Variants in TCF20 observed in about 807,000 individuals in gnomAD.
The protein encoded by TCF20 is transcription factor 20, also known as SPRE-binding protein.
TCF20 carries 3 observed loss-of-function variants against 148.6 expected under a neutral mutation model. That is an observed-to-expected ratio of 0.02 (90% CI 0.01 to 0.05). The LOEUF (loss-of-function observed/expected upper bound fraction) is 0.05. Among genes scored for constraint, TCF20 ranks in the 10% least tolerant of loss-of-function variants. TCF20 has a pLI of 1.00. For missense variants in TCF20, 2,350 were observed against 2,429.3 expected (o/e 0.97, Z 0.69); for synonymous variants, 1,049 against 909.5 (o/e 1.15, Z -2.76).
At chr22:42,244,787 T>A (rs919501286) in intron 1 of TCF20, among the ~76,000 whole-genome samples, 1 of 152,024 alleles carries the variant, frequency 6.6e-6, no homozygotes, top group African/African-American at 2.4e-5. Flanking sequence ...CATATCAATT[T>A]AAAAAAATCT....
At position 42,211,595 on chromosome 22, in the gene TCF20, C is replaced by T. The variant is rs374100502; in HGVS notation, c.3711G>A (p.Leu1237=). 8.1e-6 allele frequency: 13 copies of T among 1,614,108 alleles called. No homozygotes were observed. The African/African-American group carries it at 1.7e-4, about 22-fold the overall frequency. ...AATGATCCTCCTGGCCTGGAAGTCT[C>T]AGCATAACACTACCAGGTTTGGATG... ...TQSSKPGSVM[L]RLPGQEDHSS... The change falls in exon 2 of 6, where the codon CTG becomes CTA. Residue 1237 remains leucine (L), a synonymous_variant. Coordinates refer to ENST00000677622, the MANE Select transcript of TCF20 (RefSeq NM_001378418.1).
chr22:42,297,917 A>G lies in TCF20; in HGVS notation c.-37+45562T>C, dbSNP rs974828073. 6.6e-6 allele frequency among the ~76,000 whole-genome samples: 1 copy of G among 152,132 alleles called. No homozygotes were observed. Among genetic ancestry groups the G allele is most frequent in the East Asian group, 1.9e-4 (1 of 5,186 alleles). On this transcript the variant is annotated intron_variant, in intron 1 of 1. Transcript: ENST00000515426. This position sits in a 1 kb window ranked among gnomAD's most constrained non-coding sequence, Gnocchi z 4.3. ...CCATGCAGAGCAGGCAAGGATGAAC[A>G]TGTGCTGGTTTCAGGGCTGGGCCTG... is the stretch of plus-strand genomic sequence containing the variant.
chr22:42,294,917 G>C (rs554007397), intron 1 of TCF20, among the ~76,000 whole-genome samples: 1 of 152,236 alleles, frequency 6.6e-6, no homozygotes, highest in Non-Finnish European at 1.5e-5. Flanking sequence ...AGGATCCAAA[G>C]GTGCTTGATG....
At chr22:42,201,095 G>A (rs1324920807) in intron 2 of TCF20, among the ~76,000 whole-genome samples, 2 of 152,110 alleles carry the variant, frequency 1.3e-5, no homozygotes, top group South Asian at 2.1e-4. Flanking sequence ...GCAACACCTC[G>A]CACCTCACTC....
rs1309643291 is a variant in TCF20 at position 42,212,822 on chromosome 22, A to G, written c.2484T>C (p.Ala828=). The G allele has an allele frequency of 3.1e-6, 5 of 1,614,012 alleles. No homozygotes were observed. The highest frequency in any genetic ancestry group is 1.3e-5 in the African/African-American group (1 of 74,894). Residue 828 remains alanine, a synonymous_variant, in exon 2 of 6, where the codon GCT becomes GCC. Transcript: ENST00000677622. The stretch of plus-strand genomic sequence containing the variant: ...TCAAATTGATCTGTTTCATTTCAGG[A>G]GCTGTGCTGCTTGATTTCCTTTCCC... The part of the protein sequence containing the change: ...GPWERKSSST[A]PEMKQINLTD...
chr22:42,311,308 T>C (rs1176940092), intron 1 of TCF20, among the ~76,000 whole-genome samples: 1 of 152,186 alleles, frequency 6.6e-6, no homozygotes, highest in African/African-American at 2.4e-5. Context: ...CCCAAGGCCT[T>C]TCCCAAGGGG....
chr22:42,298,957 C>A (rs1927283462), intron 1 of TCF20, among the ~76,000 whole-genome samples: 1 of 152,228 alleles, frequency 6.6e-6, no homozygotes, highest in Non-Finnish European at 1.5e-5. Flanking sequence ...GGGCCGGGCA[C>A]CACGGCCAGC....
intron 1 of TCF20, among the ~76,000 whole-genome samples, chr22:42,298,359 G>A (rs1385316039): frequency 1.3e-5 from 2 of 152,246 alleles, no homozygotes; most frequent in Non-Finnish European, 2.9e-5. Context: ...TGTTGTTGGG[G>A]CACCCATTGG....
rs765211185 is a variant in TCF20, at chr22:42,279,180, C to T, written c.-37+4647G>A. On this transcript the variant is annotated intron_variant, in intron 1 of 5. Coordinates refer to the TCF20 transcript ENST00000359486. The surrounding 1 kb of genome is among the most constrained non-coding windows in gnomAD (Gnocchi z 4.3). Reference sequence around the variant, plus strand: ...GGACTCCCAGCATCATCATCTGCCTCTGTGCCTTCTTGGTAGTAGGTGGGT... The same window carrying T: ...GGACTCCCAGCATCATCATCTGCCTTTGTGCCTTCTTGGTAGTAGGTGGGT... Among the ~76,000 whole-genome samples, 18 of 152,172 alleles carry T rather than the reference C, an allele frequency of 1.2e-4. No individual in the cohort carries two copies. The highest frequency in any genetic ancestry group is 2.5e-4 in the Non-Finnish European group (17 of 68,016).
intron 2 of TCF20, among the ~76,000 whole-genome samples, chr22:42,203,749 G>A (rs937703356): frequency 6.6e-6 from 1 of 152,234 alleles, no homozygotes; most frequent in African/African-American, 2.4e-5. Flanking sequence ...TTGCCAGAGA[G>A]AGGGGGCTGG....
At chr22:42,223,306 T>G (rs1462399676) in intron 1 of TCF20, among the ~76,000 whole-genome samples, 4 of 152,212 alleles carry the variant, frequency 2.6e-5, no homozygotes, top group Non-Finnish European at 4.4e-5. Flanking sequence ...TAGGACAAGT[T>G]GGAGCTGACA....
rs2147020245 is a variant in TCF20 at position 42,160,908 on chromosome 22, AG to A, written c.*494del. The A allele has an allele frequency of 6.4e-6, 1 of 155,810 alleles. No homozygotes were observed. Among genetic ancestry groups the A allele is most frequent in the South Asian group, 2.0e-4 (1 of 5,122 alleles). 9.7% of individuals were successfully genotyped at this position (155,810 alleles called of 1,614,324 possible). A position where few individuals can be genotyped will look rare whatever the true frequency, so the allele number is the denominator to read the frequency against. On this transcript the variant is annotated 3_prime_UTR_variant, in exon 6 of 6. Coordinates refer to ENST00000677622, the MANE Select transcript of TCF20 (RefSeq NM_001378418.1). ...CACACACCCCGTCCTTCATGAGATG[AG>A]GGTTTGTTCAGTTCAATCTCACATT...
intron 1 of TCF20, among the ~76,000 whole-genome samples, chr22:42,221,000 A>G (rs1263163839): frequency 1.3e-5 from 2 of 151,968 alleles, no homozygotes; most frequent in Non-Finnish European, 2.9e-5. Context: ...CCCTTTATTA[A>G]TCTTCTGCAT....
At chr22:42,307,406 C>T (rs1302160557) in intron 1 of TCF20, among the ~76,000 whole-genome samples, 4 of 152,206 alleles carry the variant, frequency 2.6e-5, no homozygotes, top group Non-Finnish European at 1.5e-5. Flanking sequence ...ATTCCCCCTG[C>T]CCCGCCTACT....
intron 2 of TCF20, among the ~76,000 whole-genome samples, chr22:42,198,526 T>G (rs1937741767): frequency 6.6e-6 from 1 of 152,180 alleles, no homozygotes; most frequent in African/African-American, 2.4e-5. Flanking sequence ...CCTGTATACT[T>G]TAAGCCATCT....
chr22:42,311,193 G>T (rs1439294191), intron 1 of TCF20, among the ~76,000 whole-genome samples: 1 of 152,200 alleles, frequency 6.6e-6, no homozygotes, highest in East Asian at 1.9e-4. Context: ...CCCACCTGCG[G>T]CAGGCTCTGG....
At chr22:42,164,018 A>C (rs980474229) in intron 5 of TCF20, among the ~76,000 whole-genome samples, 1 of 151,876 alleles carries the variant, frequency 6.6e-6, no homozygotes, top group African/African-American at 2.4e-5. Context: ...CTGCAGCAAA[A>C]ACTCATCATC....
intron 1 of TCF20, among the ~76,000 whole-genome samples, chr22:42,246,734 G>A (rs1043299953): frequency 4.6e-5 from 7 of 152,144 alleles, no homozygotes; most frequent in Admixed American, 2.6e-4. Flanking sequence ...TTGGGAGGCT[G>A]AGGCAGGCAG....
At chr22:42,276,144 A>G (rs1366691757) in intron 1 of TCF20, among the ~76,000 whole-genome samples, 2 of 152,216 alleles carry the variant, frequency 1.3e-5, no homozygotes, top group Non-Finnish European at 2.9e-5. Context: ...GCATGCTGGG[A>G]AAAGACTTTG....
Sources: gnomAD v4.1 joint callset for allele counts (sites outside exome capture counted in the v4.1 genomes callset) on GRCh38, gnomAD v4.1.1 for gene constraint, Gnocchi (gnomAD v3.1) non-coding constraint, MANE v1.5 for transcripts, NCBI Gene and HGNC (gene_info 2026-07-23, HGNC 2026-07-21) for gene names.